Variants in AEBP2 observed in about 807,000 individuals in gnomAD.
AEBP2 encodes AE binding protein 2, also known as zinc finger protein AEBP2.
Under a neutral mutation model 50.8 loss-of-function variants are expected in AEBP2, and 10 were observed. The ratio of observed to expected loss-of-function variants is 0.20; its 90% CI spans 0.12 to 0.33. The LOEUF (loss-of-function observed/expected upper bound fraction) is 0.33, where lower values mean the gene tolerates loss of function less well. Among genes scored for constraint, AEBP2 ranks in the 10% least tolerant of loss-of-function variants. AEBP2 has a pLI of 1.00. For missense variants in AEBP2, 570 were observed against 688.0 expected, an observed-to-expected ratio of 0.83 and a Z score of 1.92; for synonymous variants, 296 against 261.3, an observed-to-expected ratio of 1.13 and a Z score of -1.28.
intron 1 of AEBP2, among the ~76,000 whole-genome samples, chr12:19,412,730 G>A (rs988992602): frequency 2.0e-5 from 3 of 152,160 alleles, no homozygotes; most frequent in Non-Finnish European, 2.9e-5. Context: ...AATATGTTAT[G>A]GAAAGGGGTC....
intron 1 of AEBP2, among the ~76,000 whole-genome samples, chr12:19,430,943 A>G (rs1286770920): frequency 6.6e-6 from 1 of 150,990 alleles, no homozygotes; most frequent in Non-Finnish European, 1.5e-5. Flanking sequence ...GGATAGCTTG[A>G]GCCCCAGAGG....
intron 2 of AEBP2, among the ~76,000 whole-genome samples, chr12:19,468,061 A>C (rs1032081040): frequency 5.3e-5 from 8 of 151,800 alleles, no homozygotes; most frequent in African/African-American, 1.9e-4. Flanking sequence ...AAAAAAAAGA[A>C]AAAGAAAATA....
intron 2 of AEBP2, among the ~76,000 whole-genome samples, chr12:19,463,041 A>G (rs888056277): frequency 1.2e-4 from 18 of 152,178 alleles, no homozygotes; most frequent in African/African-American, 4.1e-4. Context: ...TAGAATTAGC[A>G]CTTTCTTGAT....
intron 5 of AEBP2, among the ~76,000 whole-genome samples, chr12:19,505,332 A>T (rs868327082): frequency 6.6e-6 from 1 of 152,230 alleles, no homozygotes; most frequent in Non-Finnish European, 1.5e-5. Context: ...AAACTGTTTT[A>T]AATATTAAGG....
chr12:19,408,902 CAAAT>C (rs35571401), intron 1 of AEBP2, among the ~76,000 whole-genome samples: 108,364 of 149,508 alleles, frequency 0.72, 39,880 homozygotes, highest in African/African-American at 0.86. Context: ...GACTCTGTCT[CAAAT>C]AAATAAATAA....
chr12:19,447,868 A>G (rs1440295320), intron 1 of AEBP2, among the ~76,000 whole-genome samples: 2 of 152,204 alleles, frequency 1.3e-5, no homozygotes, highest in Non-Finnish European at 2.9e-5. Context: ...AAAACAGTAT[A>G]AAGTAATTTG....
chr12:19,455,612 A>C (rs1183796963), intron 1 of AEBP2, among the ~76,000 whole-genome samples: 1 of 152,162 alleles, frequency 6.6e-6, no homozygotes, highest in Non-Finnish European at 1.5e-5. Context: ...TTAAGACTCA[A>C]AGTTGGGGCT....
intron 2 of AEBP2, among the ~76,000 whole-genome samples, chr12:19,465,833 C>T (rs1460929434): frequency 2.0e-5 from 3 of 148,502 alleles, no homozygotes; most frequent in Non-Finnish European, 4.5e-5. Context: ...GCTCTGTTTC[C>T]CGGGCTGGAG....
chr12:19,421,557 G>A (rs956195425), intron 1 of AEBP2, among the ~76,000 whole-genome samples: 1 of 151,918 alleles, frequency 6.6e-6, no homozygotes, highest in East Asian at 1.9e-4. Flanking sequence ...AGGAGGTTGA[G>A]GCTGCAGTAA....
chr12:19,428,312 T>G (rs1321217965), intron 1 of AEBP2, among the ~76,000 whole-genome samples: 1 of 152,092 alleles, frequency 6.6e-6, no homozygotes, highest in East Asian at 1.9e-4. Context: ...GTCCACGGGG[T>G]GGATGGCATT....
chr12:19,433,672 C>T (rs924588515), intron 1 of AEBP2, among the ~76,000 whole-genome samples: 8 of 151,208 alleles, frequency 5.3e-5, no homozygotes, highest in South Asian at 4.2e-4. Flanking sequence ...CCCAGCTACT[C>T]GGGAGGCTGA....
At chr12:19,472,495 G>T (rs1293210686) in intron 2 of AEBP2, among the ~76,000 whole-genome samples, 1 of 152,116 alleles carries the variant, frequency 6.6e-6, no homozygotes, top group Non-Finnish European at 1.5e-5. Flanking sequence ...GTTATACTTA[G>T]TACCCTGAAC....
chr12:19,458,055 A>C (rs1235184091), intron 1 of AEBP2, among the ~76,000 whole-genome samples: 8 of 152,160 alleles, frequency 5.3e-5, no homozygotes, highest in Non-Finnish European at 8.8e-5. Flanking sequence ...AATTTAACAT[A>C]TGTATGGTCC....
intron 1 of AEBP2, among the ~76,000 whole-genome samples, chr12:19,429,263 T>G (rs2095750181): frequency 6.6e-6 from 1 of 152,178 alleles, no homozygotes; most frequent in South Asian, 2.1e-4. Context: ...TTGCTGAGAA[T>G]GATGGTTTCC....
At chr12:19,436,975 C>A (rs1264967988), upstream of AEBP2, among the ~76,000 whole-genome samples, 1 of 152,136 alleles carries the variant, frequency 6.6e-6, no homozygotes, top group Non-Finnish European at 1.5e-5. Context: ...CTCTGTCCTG[C>A]TGTCTCCTAT....
At chr12:19,448,736 G>T (rs570537558) in intron 1 of AEBP2, among the ~76,000 whole-genome samples, 1 of 152,242 alleles carries the variant, frequency 6.6e-6, no homozygotes, top group African/African-American at 2.4e-5. Flanking sequence ...CTGGAGTGCA[G>T]TGGTACCGTC....
At chr12:19,444,844 C>T (rs1307348804) in intron 1 of AEBP2, among the ~76,000 whole-genome samples, 1 of 152,114 alleles carries the variant, frequency 6.6e-6, no homozygotes, top group Non-Finnish European at 1.5e-5. Flanking sequence ...GTGAATACTC[C>T]ATTAATTACT....
chr12:19,453,159 T>TG (rs1489288663), intron 1 of AEBP2, among the ~76,000 whole-genome samples: 1 of 151,898 alleles, frequency 6.6e-6, no homozygotes, highest in Non-Finnish European at 1.5e-5. Context: ...TTAGTAAAGA[T>TG]GGAGTTTCAC....
intron 1 of AEBP2, among the ~76,000 whole-genome samples, chr12:19,428,995 A>G (rs972244022): frequency 6.6e-6 from 1 of 151,768 alleles, no homozygotes; most frequent in Non-Finnish European, 1.5e-5. Flanking sequence ...TTTCCATTAT[A>G]CTTTAAGTTT....
Sources: allele counts gnomAD v4.1 joint callset (sites outside exome capture counted in the v4.1 genomes callset), GRCh38; gene constraint gnomAD v4.1.1; transcripts MANE v1.5; gene names NCBI Gene and HGNC (gene_info 2026-07-23, HGNC 2026-07-21).